FNDC3A: variants seen among roughly 807,000 people sequenced by gnomAD.
FNDC3A encodes the protein fibronectin type-III domain-containing protein 3A.
FNDC3A carries 32 observed loss-of-function variants against 148.9 expected under a neutral mutation model. The observed-to-expected ratio is 0.21, with a 90% CI of 0.16 to 0.29. FNDC3A has a LOEUF of 0.29. Among genes scored for constraint, FNDC3A ranks in the 10% least tolerant of loss-of-function variants. The pLI is 1.00. For missense variants in FNDC3A, 1,191 were observed against 1,452.8 expected (o/e 0.82, Z 2.93); for synonymous variants, 472 against 473.6 (o/e 1.00, Z 0.04).
chr13:48,979,860 T>A (rs1245493606), intron 1 of FNDC3A, among the ~76,000 whole-genome samples: 1 of 152,124 alleles, frequency 6.6e-6, no homozygotes, highest in Non-Finnish European at 1.5e-5. Flanking sequence ...ACGTAAAAAT[T>A]TTTACATTGT....
chr13:48,996,748 T>C (rs1339133485), intron 1 of FNDC3A, among the ~76,000 whole-genome samples: 3 of 151,996 alleles, frequency 2.0e-5, no homozygotes, highest in African/African-American at 7.2e-5. Flanking sequence ...ATTGGACACA[T>C]CAAAAAACCA....
intron 5 of FNDC3A, among the ~76,000 whole-genome samples, chr13:49,134,940 C>T (rs1882265278): frequency 6.9e-6 from 1 of 145,872 alleles, no homozygotes; most frequent in South Asian, 2.2e-4. Flanking sequence ...CCTCTGCCCT[C>T]TGCCTCCCAG....
chr13:49,099,456 C>T (rs2137834648), intron 3 of FNDC3A, among the ~76,000 whole-genome samples: 1 of 152,200 alleles, frequency 6.6e-6, no homozygotes, highest in South Asian at 2.1e-4. Flanking sequence ...GCTGTCTTTG[C>T]TGGCCACTTG....
chr13:49,161,489 GT>G (rs1884114778), intron 8 of FNDC3A, among the ~76,000 whole-genome samples: 1 of 152,064 alleles, frequency 6.6e-6, no homozygotes, highest in African/African-American at 2.4e-5. Context: ...GAGCCTGTGT[GT>G]GTGTCTGCAT....
chr13:49,065,062 A>C (rs1383035949), intron 2 of FNDC3A, among the ~76,000 whole-genome samples: 1 of 152,360 alleles, frequency 6.6e-6, no homozygotes, highest in African/African-American at 2.4e-5. Flanking sequence ...TAGTGCGTCA[A>C]ATCAGCAAAC....
intron 2 of FNDC3A, among the ~76,000 whole-genome samples, chr13:49,050,082 G>T (rs1185831740): frequency 6.6e-6 from 1 of 152,114 alleles, no homozygotes; most frequent in East Asian, 1.9e-4. Context: ...TCTTTTCAAA[G>T]AACCAGCTTT....
chr13:49,047,235 C>A (rs369048296), intron 2 of FNDC3A, among the ~76,000 whole-genome samples: 12 of 151,852 alleles, frequency 7.9e-5, no homozygotes, highest in East Asian at 3.9e-4. Context: ...GACATTTGGG[C>A]TGGTTACATA....
chr13:48,989,140 A>G lies in FNDC3A; in HGVS notation c.-40+12963A>G, dbSNP rs537830617. On this transcript the variant is annotated intron_variant, in intron 1 of 25. Coordinates refer to ENST00000492622, the MANE Select transcript of FNDC3A (RefSeq NM_001079673.2). The stretch of plus-strand genomic sequence containing the variant: ...TTAGTAGTGGGGAAAAATTAATTAC[A>G]TATTAAATGCAGCTCTGTTCTTGCC... Among the ~76,000 whole-genome samples the G allele has an allele frequency of 1.8e-4, 27 of 152,298 alleles. No homozygotes were observed. The East Asian group carries it at 5.0e-3, about 28-fold the overall frequency.
intron 2 of FNDC3A, chr13:49,045,783 G>A: frequency 2.5e-6 from 1 of 398,930 alleles, no homozygotes; most frequent in Non-Finnish European, 4.4e-6. Flanking sequence ...TGATTTTAAT[G>A]ACAGTCCTTT....
At chr13:49,171,219 C>T (rs1405591368) in intron 10 of FNDC3A, among the ~76,000 whole-genome samples, 2 of 152,118 alleles carry the variant, frequency 1.3e-5, no homozygotes, top group Non-Finnish European at 2.9e-5. Flanking sequence ...CCTCCATGTT[C>T]ATCTGTATTA....
At chr13:49,038,507 C>T (rs868362823) in intron 2 of FNDC3A, among the ~76,000 whole-genome samples, 8 of 152,100 alleles carry the variant, frequency 5.3e-5, no homozygotes, top group African/African-American at 1.4e-4. Flanking sequence ...AGAAAGACTA[C>T]GGAGGAAAAC....
intron 3 of FNDC3A, among the ~76,000 whole-genome samples, chr13:49,106,772 G>GC (rs1491314170): frequency 1.6e-3 from 13 of 7,894 alleles, no homozygotes; most frequent in African/African-American, 6.6e-3. Flanking sequence ...GTGAATGAAA[G>GC]CAAAAAAAAA....
intron 4 of FNDC3A, among the ~76,000 whole-genome samples, chr13:49,130,274 TA>T: frequency 6.6e-6 from 1 of 152,060 alleles, no homozygotes; most frequent in South Asian, 2.1e-4. Flanking sequence ...AAGCCACAGA[TA>T]TTTTTCCTAG....
At chr13:49,061,873 A>G (rs948863709) in intron 2 of FNDC3A, among the ~76,000 whole-genome samples, 3 of 130,104 alleles carry the variant, frequency 2.3e-5, no homozygotes, top group African/African-American at 9.0e-5. Flanking sequence ...CTCCTGCCTC[A>G]GCCTTCCAGT....
At chr13:48,983,803 T>C (rs1222143031) in intron 1 of FNDC3A, among the ~76,000 whole-genome samples, 1 of 152,132 alleles carries the variant, frequency 6.6e-6, no homozygotes, top group Non-Finnish European at 1.5e-5. Context: ...AGAGTAATAA[T>C]AGAAGCACTT....
chr13:49,094,521 T>C (rs905762608), intron 3 of FNDC3A, among the ~76,000 whole-genome samples: 2 of 152,080 alleles, frequency 1.3e-5, no homozygotes, highest in African/African-American at 4.8e-5. Flanking sequence ...GGGGGTTGCT[T>C]TTTAAACCCA....
chr13:48,997,281 C>A (rs1320170452), intron 1 of FNDC3A, among the ~76,000 whole-genome samples: 3 of 152,106 alleles, frequency 2.0e-5, no homozygotes, highest in Admixed American at 2.0e-4. Context: ...CTGTTGTCAT[C>A]ATATAGATAA....
At chr13:49,067,651 G>C (rs1877355343) in intron 2 of FNDC3A, among the ~76,000 whole-genome samples, 1 of 152,178 alleles carries the variant, frequency 6.6e-6, no homozygotes, top group Non-Finnish European at 1.5e-5. Context: ...GCATAAATGG[G>C]TTAATTTAAT....
chr13:49,113,071 TCTC>T (rs1224992617), intron 3 of FNDC3A, among the ~76,000 whole-genome samples: 2 of 138,204 alleles, frequency 1.4e-5, no homozygotes, highest in African/African-American at 5.3e-5. Flanking sequence ...CCTCCCCCTT[TCTC>T]CTATTTCTCC....
Sources: gnomAD v4.1 joint callset for allele counts (sites outside exome capture counted in the v4.1 genomes callset) on GRCh38, gnomAD v4.1.1 for gene constraint, MANE v1.5 for transcripts, NCBI Gene and HGNC (gene_info 2026-07-23, HGNC 2026-07-21) for gene names.